KCNT1: variants seen among roughly 807,000 people sequenced by gnomAD.
KCNT1 encodes potassium channel subfamily T member 1.
A neutral mutation model predicts 147.8 loss-of-function variants in KCNT1; 78 were observed. The ratio of observed to expected loss-of-function variants is 0.53; its 90% CI spans 0.44 to 0.64. The LOEUF (loss-of-function observed/expected upper bound fraction) is 0.64, where lower values mean the gene tolerates loss of function less well. Ranked by LOEUF, KCNT1 falls within the 30% of genes least tolerant of loss-of-function variation. KCNT1 has a pLI of 0.00. For synonymous variants in KCNT1, 867 were observed against 748.8 expected (o/e 1.16, Z -2.58); for missense variants, 1,419 against 1,750.3 (o/e 0.81, Z 3.38).
rs1060505000 is a variant in KCNT1, at chr9:135,772,736, A to G, written c.2030A>G (p.Gln677Arg). The G allele has an allele frequency of 4.9e-6, 7 of 1,421,620 alleles. No individual in the cohort carries two copies. Among genetic ancestry groups the G allele is most frequent in the African/African-American group, 4.4e-5 (3 of 68,068 alleles). 88.1% of individuals were successfully genotyped at this position (1,421,620 alleles called of 1,614,324 possible). A position where few individuals can be genotyped will look rare whatever the true frequency, so the allele number is the denominator to read the frequency against. Residue 677 changes from glutamine to arginine, a missense_variant, in exon 19 of 31, where the codon CAG becomes CGG. Gln to Arg is a conservative substitution (Grantham distance 43). This residue lies in a region of KCNT1 where 284 missense variants were observed against 292.8 expected (regional missense o/e 0.97). Coordinates refer to ENST00000371757, the MANE Select transcript of KCNT1 (RefSeq NM_020822.3). Reference sequence around the variant, plus strand: ...CCAGGGACAGTGGCCATGGACCTGCAGGGCACAGAGCACCGGCCTACGCAG... The same window carrying G: ...CCAGGGACAGTGGCCATGGACCTGCGGGGCACAGAGCACCGGCCTACGCAG... ...ASMGTVAMDL[Q>R]GTEHRPTQSG...
chr9:135,774,893 C>T, intron 19 of KCNT1, among the ~76,000 whole-genome samples: 1 of 152,116 alleles, frequency 6.6e-6, no homozygotes. Flanking sequence ...AGGGCCCTAC[C>T]CACCCCTCGG....
At chr9:135,743,553 A>T (rs1459936750) in intron 2 of KCNT1, among the ~76,000 whole-genome samples, 1 of 152,176 alleles carries the variant, frequency 6.6e-6, no homozygotes, top group African/African-American at 2.4e-5. Context: ...CCGGACCTCT[A>T]TCTTCCCAGC....
chr9:135,772,092 G>C (rs1156853150), intron 18 of KCNT1, among the ~76,000 whole-genome samples: 1 of 152,188 alleles, frequency 6.6e-6, no homozygotes, highest in Non-Finnish European at 1.5e-5. Context: ...AGCTCACTCG[G>C]GGGGCCGGGC....
rs569204078 is a variant in KCNT1 at position 135,759,763 on chromosome 9, C to T, written c.939C>T (p.Ser313=). The change falls in exon 11 of 31, where the codon TCC becomes TCT. Residue 313 remains serine (S), a synonymous_variant. Coordinates refer to ENST00000371757, the MANE Select transcript of KCNT1 (RefSeq NM_020822.3). ...TCTACTTCTGCATCGTCACCTTCTCCACCGTGGGCTACGGTGACGTCACGC... is the reference window on the plus strand; with the variant it reads ...TCTACTTCTGCATCGTCACCTTCTCTACCGTGGGCTACGGTGACGTCACGC... ...TSFYFCIVTF[S]TVGYGDVTPK... 3.7e-6 allele frequency: 6 copies of T among 1,613,632 alleles called. No homozygotes were observed. Among genetic ancestry groups the T allele is most frequent in the East Asian group, 2.2e-5 (1 of 44,868 alleles).
rs1564304707 is a variant in KCNT1 at position 135,702,312 on chromosome 9, C to CGGCGGGGGCTACACCAACCG, written c.56_75dup (p.Thr26AlafsTer36). On this transcript the variant is annotated frameshift_variant, in exon 1 of 31. Coordinates refer to ENST00000371757, the MANE Select transcript of KCNT1 (RefSeq NM_020822.3). LOFTEE classifies it high-confidence loss of function. ...CGGGGGGCGTCTGCCGGGAGGCGCG[C>CGGCGGGGGCTACACCAACCG]GGCGGGGGCTACACCAACCGGACCT... 3.1e-6 allele frequency: 5 copies of CGGCGGGGGCTACACCAACCG among 1,610,674 alleles called. No individual in the cohort carries two copies. Among genetic ancestry groups the CGGCGGGGGCTACACCAACCG allele is most frequent in the Non-Finnish European group, 2.5e-6 (3 of 1,178,858 alleles).
At chr9:135,747,468 C>T (rs544058665) in intron 2 of KCNT1, among the ~76,000 whole-genome samples, 1 of 152,208 alleles carries the variant, frequency 6.6e-6, no homozygotes, top group African/African-American at 2.4e-5. Context: ...GCAGCTCCCG[C>T]CTCAGCCCTG....
chr9:135,770,713 G>A, intron 17 of KCNT1, 144 bp from the exon 18 acceptor site: 2 of 892,164 alleles, frequency 2.2e-6, no homozygotes, highest in East Asian at 2.7e-5. Context: ...GGAGGGCTCA[G>A]CCAAGGTCCC....
At chr9:135,771,182 T>TG in intron 18 of KCNT1, 87 bp downstream of exon 18, 11 of 1,255,252 alleles carry the variant, frequency 8.8e-6, no homozygotes, top group Non-Finnish European at 1.2e-5. Flanking sequence ...CCAGGTGGGA[T>TG]GGGAGACCAG....
At position 135,757,176 on chromosome 9, in the gene KCNT1, C is replaced by A. The variant is rs1185207674; in HGVS notation, c.621C>A (p.Ile207=). 6.4e-7 allele frequency: 1 copy of A among 1,564,718 alleles called. No homozygotes were observed. The highest frequency in any genetic ancestry group is 8.7e-7 in the Non-Finnish European group (1 of 1,152,246). ...CCCAGGGCAACATCTGGGAGCAGATCTTCCGCGTGTCCTTCGTCCTGGAGA... is the reference window on the plus strand; with the variant it reads ...CCCAGGGCAACATCTGGGAGCAGATATTCCGCGTGTCCTTCGTCCTGGAGA... ...LSYKGNIWEQ[I]FRVSFVLEMI... The change falls in exon 8 of 31, where the codon ATC becomes ATA. Residue 207 remains isoleucine (I), a synonymous_variant. Coordinates refer to ENST00000371757, the MANE Select transcript of KCNT1 (RefSeq NM_020822.3).
intron 9 of KCNT1, 80 bp from the exon 10 acceptor site, chr9:135,758,334 C>T: frequency 7.3e-6 from 8 of 1,102,658 alleles, no homozygotes; most frequent in Non-Finnish European, 9.6e-6. Context: ...CTGCTTTCCA[C>T]TGTCCTTCTA....
At chr9:135,740,830 G>C (rs569518635) in intron 2 of KCNT1, among the ~76,000 whole-genome samples, 1 of 152,294 alleles carries the variant, frequency 6.6e-6, no homozygotes, top group Non-Finnish European at 1.5e-5. Flanking sequence ...TGGGACAGGC[G>C]AGCATCAGGG....
At chr9:135,775,776 G>C (rs1030853272) in intron 20 of KCNT1, among the ~76,000 whole-genome samples, 3 of 152,154 alleles carry the variant, frequency 2.0e-5, no homozygotes, top group African/African-American at 4.8e-5. Context: ...ACCCCGGCCC[G>C]GCATGGGTGT....
chr9:135,738,602 G>A (rs868640450), intron 2 of KCNT1, among the ~76,000 whole-genome samples: 2 of 152,152 alleles, frequency 1.3e-5, no homozygotes, highest in African/African-American at 2.4e-5. Context: ...CTCAGACTCT[G>A]CCCGTCTCAT....
At chr9:135,764,668 G>GC (rs969859936) in intron 11 of KCNT1, among the ~76,000 whole-genome samples, 17 of 152,256 alleles carry the variant, frequency 1.1e-4, no homozygotes, top group Admixed American at 1.0e-3. Flanking sequence ...AGTGAGGCCT[G>GC]CGAGTGCCTG....
At chr9:135,756,598 G>A (rs116580427) in intron 6 of KCNT1, among the ~76,000 whole-genome samples, 3,508 of 152,252 alleles carry the variant, frequency 0.023, 71 homozygotes, top group Middle Eastern at 0.078. Context: ...CTTCCTGAGC[G>A]TCCTGCCTCA....
intron 18 of KCNT1, among the ~76,000 whole-genome samples, chr9:135,771,942 C>T (rs1015816625): frequency 5.9e-5 from 9 of 152,232 alleles, no homozygotes; most frequent in Middle Eastern, 3.4e-3. Flanking sequence ...TGTTGTTACA[C>T]GGTGGCTGCT....
chr9:135,740,715 G>A (rs762318742), intron 2 of KCNT1, among the ~76,000 whole-genome samples: 3 of 152,226 alleles, frequency 2.0e-5, no homozygotes, highest in Non-Finnish European at 2.9e-5. Context: ...AGCGAGCCTG[G>A]CCATGGGAGG....
In KCNT1 at chr9:135,770,930, A is replaced by G. The variant is rs778473547; in HGVS notation, c.1843A>G (p.Ile615Val). 3 of 1,612,776 alleles carry G rather than the reference A, an allele frequency of 1.9e-6. No individual in the cohort carries two copies. Among genetic ancestry groups the G allele is most frequent in the Non-Finnish European group, 2.5e-6 (3 of 1,179,460 alleles). Residue 615 changes from isoleucine to valine, a missense_variant, in exon 18 of 31, where the codon ATC (isoleucine) becomes GTC (valine). Ile to Val is a conservative substitution (Grantham distance 29). Transcript: ENST00000371757. ...SILLNPGPRH[I>V]LAASDTCFYI... ...CCTGCTGAACCCGGGGCCCCGGCAC[A>G]TCCTGGCCGCCTCTGACACCTGCTT... is the stretch of plus-strand genomic sequence containing the variant.
At position 135,786,455 on chromosome 9, in the gene KCNT1, C is replaced by A. The variant is rs1471022566; in HGVS notation, c.3436C>A (p.Arg1146Ser). Residue 1146 changes from arginine (R) to serine (S), a missense_variant, in exon 29 of 31, where the codon CGC becomes AGC. Physicochemically the swap from Arg to Ser is moderately radical, Grantham distance 110 (BLOSUM62 -1). Around this residue, in one of 5 missense-constraint regions of KCNT1, gnomAD observed 306 missense variants for 294.2 expected, o/e 1.04. Coordinates refer to ENST00000371757, the MANE Select transcript of KCNT1 (RefSeq NM_020822.3). ...CCTCAGCCTGTACCGGCGCTCTGAG[C>A]GCCAGGAGCTCTCCGAGCTGGTGAA... ...QRLSLYRRSE[R>S]QELSELVKNR... 1.9e-6 allele frequency: 3 copies of A among 1,600,246 alleles called. No individual in the cohort carries two copies. The highest frequency in any genetic ancestry group is 1.1e-5 in the South Asian group (1 of 89,574).
Sources: gnomAD v4.1 joint callset for allele counts (sites outside exome capture counted in the v4.1 genomes callset) on GRCh38, gnomAD v4.1.1 for gene constraint, gnomAD v4.1.1 regional missense constraint, MANE v1.5 for transcripts, NCBI Gene and HGNC (gene_info 2026-07-23, HGNC 2026-07-21) for gene names.